The following DHRS12 variants were observed in gnomAD, a reference collection of about 807,000 sequenced individuals.
DHRS12 encodes dehydrogenase/reductase 12.
In DHRS12, 29 loss-of-function variants were observed where a neutral mutation model predicts 32.1. The observed-to-expected ratio is 0.90, with a 90% confidence interval of 0.67 to 1.23. The LOEUF is 1.23. Ranked by LOEUF, DHRS12 falls within the 50% of genes most tolerant of loss-of-function variation. The pLI is 0.00. For synonymous variants in DHRS12, 150 were observed against 135.9 expected (o/e 1.10, Z -0.72); for missense variants, 330 against 337.2 (o/e 0.98, Z 0.17).
In DHRS12 at chr13:51,790,484, T is replaced by C. The variant is rs183649238; in HGVS notation, c.220-392A>G. Among the ~76,000 whole-genome samples, 494 of 152,302 alleles carry C rather than the reference T, an allele frequency of 3.2e-3. 4 individuals are homozygous for C. The highest frequency in any genetic ancestry group is 0.013 in the Admixed American group (195 of 15,292). Reference sequence around the variant, plus strand: ...TTAACCAAATATATCCAAAATAGCATCATTTTAACATGTAATCAATATAGA... The same window carrying C: ...TTAACCAAATATATCCAAAATAGCACCATTTTAACATGTAATCAATATAGA... On this transcript the variant is annotated intron_variant, in intron 3 of 8. Coordinates refer to ENST00000444610, the MANE Select transcript of DHRS12 (RefSeq NM_001377533.1).
At chr13:51,781,133 G>A (rs1954684095) in intron 4 of DHRS12, among the ~76,000 whole-genome samples, 2 of 152,278 alleles carry the variant, frequency 1.3e-5, no homozygotes, top group East Asian at 3.9e-4. Flanking sequence ...TAGTGAGCCT[G>A]GGGGGCTCAC....
At chr13:51,778,554 G>A (rs1249473403) in intron 4 of DHRS12, among the ~76,000 whole-genome samples, 2 of 152,168 alleles carry the variant, frequency 1.3e-5, no homozygotes, top group Non-Finnish European at 2.9e-5. Flanking sequence ...TGCCAAAAGC[G>A]ATCTGCCGCA....
chr13:51,782,082 C>T lies in DHRS12; in HGVS notation c.302-4961G>A, dbSNP rs1197280808. ...GAAGTGAGGGGGTGTCAAGGACAAGCGGTGACGGAGATGATGCTGGCCACT... is the reference window on the plus strand; with the variant it reads ...GAAGTGAGGGGGTGTCAAGGACAAGTGGTGACGGAGATGATGCTGGCCACT... On this transcript the variant is annotated intron_variant, in intron 4 of 8. Transcript: ENST00000444610. The surrounding 1 kb of genome is among the most constrained non-coding windows in gnomAD (Gnocchi z 4.2). Among the ~76,000 whole-genome samples, 1 of 152,056 alleles carries T rather than the reference C, an allele frequency of 6.6e-6. No homozygotes were observed. Among genetic ancestry groups the T allele is most frequent in the Non-Finnish European group, 1.5e-5 (1 of 68,008 alleles).
At chr13:51,766,447 G>A (rs1478790818), downstream of DHRS12, 1 of 152,138 alleles carries the variant, frequency 6.6e-6, no homozygotes, top group Non-Finnish European at 1.5e-5. Context: ...TTAAAGTGAG[G>A]AGATTCTTCA....
chr13:51,770,070 G>A (rs1388730827), intron 7 of DHRS12, among the ~76,000 whole-genome samples: 1 of 152,170 alleles, frequency 6.6e-6, no homozygotes, highest in Admixed American at 6.5e-5. Context: ...CAACAATTAA[G>A]AGCCTTACTG....
At chr13:51,783,872 T>C (rs1040822243) in intron 4 of DHRS12, among the ~76,000 whole-genome samples, 1 of 152,208 alleles carries the variant, frequency 6.6e-6, no homozygotes, top group Non-Finnish European at 1.5e-5. Flanking sequence ...TGAATGGGAG[T>C]GCCAGTTTAT....
At chr13:51,793,461 C>T (rs545310224) in intron 2 of DHRS12, among the ~76,000 whole-genome samples, 5 of 152,218 alleles carry the variant, frequency 3.3e-5, no homozygotes, top group Non-Finnish European at 7.3e-5. Context: ...TATTTCTACT[C>T]ATCTTAAAAC....
At chr13:51,799,842 G>A (rs1332739390) in intron 1 of DHRS12, among the ~76,000 whole-genome samples, 175 bp from the exon 2 acceptor site, 12 of 152,174 alleles carry the variant, frequency 7.9e-5, no homozygotes, top group African/African-American at 2.2e-4. Flanking sequence ...CTATCTCGGG[G>A]CCTGCATTTC....
chr13:51,759,777 C>G, the DHRS12 span: 1 of 1,613,386 alleles, frequency 6.2e-7, no homozygotes, highest in Non-Finnish European at 8.5e-7. Flanking sequence ...TGATGACTCT[C>G]CCAGGAATCA....
rs369243854 is a variant in DHRS12, at chr13:51,769,240, A to G, written c.613T>C (p.Ser205Pro). ...ATGGTGTCCGCGCCCTGGGCCTCGG[A>G]GCGCAGGCGGTCCCCGAACCTGGCG... ...FHARFGDRLRSEAQGADTMLW... is the reference protein window; with the variant it reads ...FHARFGDRLRPEAQGADTMLW... Residue 205 changes from serine (S) to proline (P), a missense_variant, in exon 8 of 9, where the codon TCC (serine) becomes CCC (proline). Coordinates refer to ENST00000444610, the MANE Select transcript of DHRS12 (RefSeq NM_001377533.1). 1 of 1,590,312 alleles carries G rather than the reference A, an allele frequency of 6.3e-7. No individual in the cohort carries two copies. Among genetic ancestry groups the G allele is most frequent in the South Asian group, 1.1e-5 (1 of 87,396 alleles).
rs1046117312 is a variant in DHRS12 at position 51,802,795 on chromosome 13, C to A, written c.-9+1259G>T. On this transcript the variant is annotated intron_variant, in intron 1 of 8. Transcript: ENST00000444610. Reference sequence around the variant, plus strand: ...AGGAAAACCCATCTAACTTTGCCAACTGCCTTCCCCTCCCCTCCCTTCCCC... The same window carrying A: ...AGGAAAACCCATCTAACTTTGCCAAATGCCTTCCCCTCCCCTCCCTTCCCC... Among the ~76,000 whole-genome samples, 4 of 152,250 alleles carry A rather than the reference C, an allele frequency of 2.6e-5. No homozygotes were observed. The East Asian group carries it at 5.8e-4, about 22-fold the overall frequency.
rs1230696987 is a variant in DHRS12, at chr13:51,804,140, C to CG, written c.-96dup. The CG allele has an allele frequency of 6.9e-7, 1 of 1,448,670 alleles. No homozygotes were observed. Among genetic ancestry groups the CG allele is most frequent in the Non-Finnish European group, 9.1e-7 (1 of 1,104,608 alleles). 89.7% of individuals were successfully genotyped at this position (1,448,670 alleles called of 1,614,324 possible). Reference sequence around the variant, plus strand: ...GAGCGCCCCACGCCTAGCCCCACCGCGCTCCCGGCGCGGCCTCCGCCCTGG... The same window carrying CG: ...GAGCGCCCCACGCCTAGCCCCACCGCGGCTCCCGGCGCGGCCTCCGCCCTGG... On this transcript the variant is annotated 5_prime_UTR_variant, in exon 1 of 9. Transcript: ENST00000444610.
At chr13:51,789,621 T>C (rs1955166542) in intron 4 of DHRS12, 1 of 985,446 alleles carries the variant, frequency 1.0e-6, no homozygotes, top group South Asian at 4.7e-5. Context: ...CTCTAGCCAA[T>C]GCGCTTCTTG....
intron 4 of DHRS12, among the ~76,000 whole-genome samples, chr13:51,783,371 T>A (rs1954810645): frequency 6.6e-6 from 1 of 152,140 alleles, no homozygotes; most frequent in Non-Finnish European, 1.5e-5. Context: ...CAAGAAACAA[T>A]CATAATGAAT....
chr13:51,769,098 G>T, intron 8 of DHRS12, 58 bp downstream of exon 8: 1 of 1,546,886 alleles, frequency 6.5e-7, no homozygotes, highest in Non-Finnish European at 8.7e-7. Flanking sequence ...CGCCTCGAAG[G>T]CCCAGCTGCT....
chr13:51,772,748 A>C (rs1954089383), intron 6 of DHRS12: 1 of 985,356 alleles, frequency 1.0e-6, no homozygotes, highest in Admixed American at 6.1e-5. Context: ...TGCTTGGCAA[A>C]GAACTCCATC....
chr13:51,780,425 G>A (rs1053975336), intron 4 of DHRS12, among the ~76,000 whole-genome samples: 5 of 152,112 alleles, frequency 3.3e-5, no homozygotes, highest in Admixed American at 2.6e-4. Flanking sequence ...CTGGGAGGAG[G>A]GAAGGCACCT....
rs1239493562 is a variant in DHRS12 at position 51,797,738 on chromosome 13, AC to A, written c.126+1795del. 15 of 1,363,338 alleles carry A rather than the reference AC, an allele frequency of 1.1e-5. No individual in the cohort carries two copies. The African/African-American group carries it at 2.2e-4, about 20-fold the overall frequency. 84.5% of individuals were successfully genotyped at this position (1,363,338 alleles called of 1,614,324 possible). The stretch of plus-strand genomic sequence containing the variant: ...GAAGCACAAACACAGGCCCTCTTCA[AC>A]CCAGGGAAAGCGGGTAGGAGTCCAG... On this transcript the variant is annotated intron_variant, in intron 2 of 8. Transcript: ENST00000444610.
chr13:51,798,596 C>T (rs1238570796), intron 2 of DHRS12, among the ~76,000 whole-genome samples: 1 of 152,188 alleles, frequency 6.6e-6, no homozygotes, highest in East Asian at 1.9e-4. Flanking sequence ...CTTCTCTCCT[C>T]CTCTCCGCAC....
Sources: gnomAD v4.1 joint callset for allele counts (sites outside exome capture counted in the v4.1 genomes callset) on GRCh38, gnomAD v4.1.1 for gene constraint, Gnocchi (gnomAD v3.1) non-coding constraint, MANE v1.5 for transcripts, NCBI Gene and HGNC (gene_info 2026-07-23, HGNC 2026-07-21) for gene names.